The following DHX9 variants were observed in gnomAD, a reference collection of about 807,000 sequenced individuals.
DHX9 encodes DExH-box helicase 9, also known as ATP-dependent RNA helicase A.
A neutral mutation model predicts 148.7 loss-of-function variants in DHX9; 27 were observed. The observed-to-expected ratio is 0.18, with a 90% CI of 0.13 to 0.25. The LOEUF is 0.25. DHX9 is among the 10% of genes least tolerant of loss of function. DHX9 has a pLI of 1.00. For synonymous variants in DHX9, 529 were observed against 516.6 expected, an observed-to-expected ratio of 1.02 and a Z score of -0.33; for missense variants, 796 against 1,559.6, an observed-to-expected ratio of 0.51 and a Z score of 8.25.
At chr1:182,862,735 T>A (rs1668385211) in intron 12 of DHX9, among the ~76,000 whole-genome samples, 1 of 152,184 alleles carries the variant, frequency 6.6e-6, no homozygotes, top group South Asian at 2.1e-4. Context: ...TTTTGAAAGA[T>A]GGAAGAAATT....
At chr1:182,873,607 A>C (rs1648643565) in intron 15 of DHX9, among the ~76,000 whole-genome samples, 1 of 152,266 alleles carries the variant, frequency 6.6e-6, no homozygotes, top group South Asian at 2.1e-4. Flanking sequence ...CAAAGAGATC[A>C]GTACGAACGT....
rs1352090211 is a variant in DHX9, at chr1:182,887,555, G to T, written c.*121G>T. 9.2e-6 allele frequency: 8 copies of T among 864,910 alleles called. No homozygotes were observed. The highest frequency in any genetic ancestry group is 1.4e-5 in the Non-Finnish European group (8 of 565,748). 53.6% of individuals were successfully genotyped at this position (864,910 alleles called of 1,614,324 possible). On this transcript the variant is annotated 3_prime_UTR_variant, in exon 28 of 28. Coordinates refer to ENST00000367549, the MANE Select transcript of DHX9 (RefSeq NM_001357.5). ...AAGTAAATGCATTTTCACCCATTCT[G>T]TGGTTCATTGTAGTTTAAGGAAACC...
At chr1:182,866,159 A>ACC (rs1325713434) in intron 12 of DHX9, among the ~76,000 whole-genome samples, 1 of 152,156 alleles carries the variant, frequency 6.6e-6, no homozygotes, top group Non-Finnish European at 1.5e-5. Context: ...ACAAAAACAA[A>ACC]CCCCCCTACG....
intron 22 of DHX9, 70 bp downstream of exon 22, chr1:182,880,678 A>AG (rs753934184): frequency 1.3e-4 from 141 of 1,069,188 alleles, no homozygotes; most frequent in Non-Finnish European, 1.9e-4. Flanking sequence ...TCCCTGTAAA[A>AG]GCAGTATTGG....
intron 15 of DHX9, 27 bp from the exon 16 acceptor site, chr1:182,874,827 T>C: frequency 6.4e-7 from 1 of 1,557,304 alleles, no homozygotes; most frequent in Non-Finnish European, 8.8e-7. Flanking sequence ...TTGATAGTAC[T>C]TAACCTGACT....
intron 6 of DHX9, chr1:182,855,829 A>G (rs1392499732): frequency 1.3e-6 from 1 of 745,634 alleles, no homozygotes; most frequent in Non-Finnish European, 1.6e-6. Context: ...CAGTGAAAGG[A>G]CCAGAATGCA....
chr1:182,854,270 G>C, intron 6 of DHX9, 92 bp downstream of exon 6: 1 of 1,181,144 alleles, frequency 8.5e-7, no homozygotes, highest in Non-Finnish European at 1.2e-6. Context: ...ACGTTGTCTG[G>C]TTAATTGTGT....
At chr1:182,866,861 T>G in intron 13 of DHX9, 100 bp from the exon 14 acceptor site, 2 of 940,150 alleles carry the variant, frequency 2.1e-6, no homozygotes, top group Non-Finnish European at 3.2e-6. Context: ...GATTATTTTC[T>G]AAAATGATGC....
At chr1:182,853,626 A>AT (rs1389824799) in intron 5 of DHX9, among the ~76,000 whole-genome samples, 1 of 152,070 alleles carries the variant, frequency 6.6e-6, no homozygotes, top group Non-Finnish European at 1.5e-5. Context: ...AAAAAACAGT[A>AT]TTTTTTTCTT....
chr1:182,861,567 T>C (rs1668364681), intron 12 of DHX9, among the ~76,000 whole-genome samples: 1 of 152,230 alleles, frequency 6.6e-6, no homozygotes, highest in Non-Finnish European at 1.5e-5. Flanking sequence ...AAAGCAGTTG[T>C]GGCATATAGC....
At position 182,881,356 on chromosome 1, in the gene DHX9, A is replaced by G; in HGVS notation, c.2717A>G (p.Asn906Ser). The G allele has an allele frequency of 6.2e-7, 1 of 1,614,148 alleles. No individual in the cohort carries two copies. Among genetic ancestry groups the G allele is most frequent in the Non-Finnish European group, 8.5e-7 (1 of 1,180,038 alleles). Reference sequence around the variant, plus strand: ...AAGCGGCTGGGCTATATCCATCGAAATTTTGCTGGAAACAGATTTTCTGAT... The same window carrying G: ...AAGCGGCTGGGCTATATCCATCGAAGTTTTGCTGGAAACAGATTTTCTGAT... ...EGKRLGYIHRNFAGNRFSDHV... is the reference protein window; with the variant it reads ...EGKRLGYIHRSFAGNRFSDHV... The change falls in exon 23 of 28, where the codon AAT (asparagine) becomes AGT (serine). Residue 906 changes from asparagine (N) to serine (S), a missense_variant. Physicochemically the swap from Asn to Ser is conservative, Grantham distance 46. Transcript: ENST00000367549.
intron 12 of DHX9, among the ~76,000 whole-genome samples, chr1:182,864,269 A>C (rs1648180332): frequency 6.6e-6 from 1 of 152,150 alleles, no homozygotes; most frequent in South Asian, 2.1e-4. Context: ...ATTTTTGTAG[A>C]GATGGTGTCT....
chr1:182,883,990 A>G (rs1571323851), intron 26 of DHX9, among the ~76,000 whole-genome samples: 1 of 152,190 alleles, frequency 6.6e-6, no homozygotes, highest in Non-Finnish European at 1.5e-5. Context: ...AAATGCCAGT[A>G]TTCTGGGTCT....
At chr1:182,868,583 C>T (rs796557177) in intron 14 of DHX9, among the ~76,000 whole-genome samples, 43 of 141,100 alleles carry the variant, frequency 3.0e-4, no homozygotes, top group African/African-American at 1.1e-3. Context: ...GGCGCGATCT[C>T]GGCTCACTGC....
intron 14 of DHX9, among the ~76,000 whole-genome samples, chr1:182,867,669 C>T (rs1240897323): frequency 6.6e-6 from 1 of 152,162 alleles, no homozygotes; most frequent in East Asian, 1.9e-4. Context: ...TCCCAAAATG[C>T]TGGGATTACA....
chr1:182,866,381 G>A (rs1341826095), intron 12 of DHX9, 63 bp from the exon 13 acceptor site: 56 of 1,545,724 alleles, frequency 3.6e-5, no homozygotes, highest in Middle Eastern at 3.5e-4. Flanking sequence ...ATCCAAAAAT[G>A]CTAATAAACA....
Position 182,852,357 on chromosome 1 carries a change from A to AT in DHX9, c.364+13_364+14insT, listed in dbSNP as rs1557966715. 1.3e-6 allele frequency: 2 copies of AT among 1,556,944 alleles called. No homozygotes were observed. Among genetic ancestry groups the AT allele is most frequent in the South Asian group, 2.3e-5 (2 of 87,886 alleles). ...GCTCTCAAAGCAGGTAAGGGACTTGAATCCATGCACGTGGTGGAGAATAAG... is the reference window on the plus strand; with the variant it reads ...GCTCTCAAAGCAGGTAAGGGACTTGATATCCATGCACGTGGTGGAGAATAAG... On this transcript the variant is annotated intron_variant, in intron 4 of 27. Transcript: ENST00000367549.
chr1:182,885,211 G>GT (rs1557981726), intron 27 of DHX9, among the ~76,000 whole-genome samples: 2 of 152,174 alleles, frequency 1.3e-5, no homozygotes, highest in Admixed American at 1.3e-4. Context: ...ATGTGTTTTT[G>GT]TTTATCTTAA....
intron 2 of DHX9, 45 bp from the exon 3 acceptor site, chr1:182,843,249 G>T: frequency 1.4e-6 from 2 of 1,463,900 alleles, no homozygotes; most frequent in African/African-American, 1.5e-5. Context: ...TAAAATCTCA[G>T]AATTACCCAG....
Sources: allele counts gnomAD v4.1 joint callset (sites outside exome capture counted in the v4.1 genomes callset), GRCh38; gene constraint gnomAD v4.1.1; transcripts MANE v1.5; gene names NCBI Gene and HGNC (gene_info 2026-07-23, HGNC 2026-07-21).